Variants in DNAJB12 observed in about 807,000 individuals in gnomAD.
DNAJB12 encodes DnaJ heat shock protein family (Hsp40) member B12.
A neutral mutation model predicts 40.6 loss-of-function variants in DNAJB12; 14 were observed. That is an observed-to-expected ratio of 0.34 (90% CI 0.23 to 0.54). The LOEUF (loss-of-function observed/expected upper bound fraction) is 0.54, where lower values mean the gene tolerates loss of function less well. DNAJB12 is among the 20% of genes least tolerant of loss of function. The pLI is 0.92. For missense variants in DNAJB12, 444 were observed against 501.7 expected, an observed-to-expected ratio of 0.89 and a Z score of 1.10; for synonymous variants, 181 against 199.5, an observed-to-expected ratio of 0.91 and a Z score of 0.78.
intron 2 of DNAJB12, among the ~76,000 whole-genome samples, chr10:72,344,709 C>A (rs1238549161): frequency 6.6e-6 from 1 of 152,234 alleles, no homozygotes; most frequent in Non-Finnish European, 1.5e-5. Context: ...GCTTTTCCAG[C>A]CTCTGCTGTG....
chr10:72,338,392 A>C, intron 5 of DNAJB12, 81 bp from the exon 6 acceptor site: 1 of 1,166,458 alleles, frequency 8.6e-7, no homozygotes, highest in Non-Finnish European at 1.3e-6. Flanking sequence ...CTCCCCTAGA[A>C]TAGTGGAGCC....
intron 3 of DNAJB12, among the ~76,000 whole-genome samples, chr10:72,341,536 C>G (rs955534338): frequency 6.6e-6 from 1 of 152,196 alleles, no homozygotes; most frequent in African/African-American, 2.4e-5. Context: ...AGTGGAGCAA[C>G]CGTGGCTCAC....
chr10:72,354,874 A>C lies in DNAJB12; in HGVS notation c.24T>G (p.Ala8=). The stretch of plus-strand genomic sequence containing the variant: ...TGAGGGCGATGCTGATACAGCGCTC[A>C]GCTTCATCCTTGTTGGATTCCATGG... MESNKDE[A]ERCISIALKA... is the part of the protein sequence containing the mutation. The change falls in exon 1 of 9, where the codon GCT becomes GCG. Residue 8 remains alanine, a synonymous_variant. Transcript: ENST00000444643. 1 of 1,614,100 alleles carries C rather than the reference A, an allele frequency of 6.2e-7. No homozygotes were observed. Among genetic ancestry groups the C allele is most frequent in the Non-Finnish European group, 8.5e-7 (1 of 1,179,938 alleles).
chr10:72,343,553 G>T, intron 2 of DNAJB12, 42 bp from the exon 3 acceptor site: 1 of 1,609,160 alleles, frequency 6.2e-7, no homozygotes, highest in Non-Finnish European at 8.5e-7. Context: ...CTCTACATGG[G>T]TCTGTGTGAG....
At chr10:72,340,759 C>T (rs1481045396) in intron 5 of DNAJB12, 30 bp downstream of exon 5, 8 of 1,609,034 alleles carry the variant, frequency 5.0e-6, no homozygotes, top group East Asian at 2.2e-5. Flanking sequence ...GTGCCCTTCC[C>T]GCGCTGTCCC....
chr10:72,349,355 G>A (rs369513265), intron 1 of DNAJB12, among the ~76,000 whole-genome samples: 12 of 152,018 alleles, frequency 7.9e-5, no homozygotes, highest in Admixed American at 2.0e-4. Context: ...GCTGGGTAGC[G>A]GGGGAGCTCC....
rs10540624 is a variant in DNAJB12, at chr10:72,333,536, CACTG to C, written c.*1108_*1111del. On this transcript the variant is annotated 3_prime_UTR_variant, in exon 9 of 9. Transcript: ENST00000444643. The stretch of plus-strand genomic sequence containing the variant: ...GGAGGCTGCCCTGGGGTCCCGGCAC[CACTG>C]ACTGACTCGGAGGAAGAACTTTCTG... The C allele has an allele frequency of 0.071, 10,827 of 151,748 alleles. 777 individuals are homozygous for C. Among genetic ancestry groups the C allele is most frequent in the African/African-American group, 0.19 (7,760 of 40,570 alleles). 9.4% of individuals were successfully genotyped at this position (151,748 alleles called of 1,614,324 possible).
intron 1 of DNAJB12, among the ~76,000 whole-genome samples, chr10:72,345,744 T>C (rs2131996855): frequency 6.6e-6 from 1 of 151,456 alleles, no homozygotes; most frequent in African/African-American, 2.4e-5. Flanking sequence ...AAAAGACATT[T>C]AGCTGGAGAT....
chr10:72,347,207 T>C (rs55946250), intron 1 of DNAJB12, among the ~76,000 whole-genome samples: 15,168 of 151,794 alleles, frequency 0.1, 1,578 homozygotes, highest in African/African-American at 0.26. Context: ...GTGATCCGCC[T>C]GCCTTGGCCT....
chr10:72,335,533 C>T lies in DNAJB12; in HGVS notation c.*30+247G>A. 8.0e-7 allele frequency: 1 copy of T among 1,242,902 alleles called. No homozygotes were observed. The highest frequency in any genetic ancestry group is 1.0e-6 in the Non-Finnish European group (1 of 983,542). 77.0% of individuals were successfully genotyped at this position (1,242,902 alleles called of 1,614,324 possible). A position where few individuals can be genotyped will look rare whatever the true frequency, so the allele number is the denominator to read the frequency against. ...CACTCTGCCTGGTTCTGGGGTCCCC[C>T]ACACCCCTGGAGCCAGGGAGCAGAG... On this transcript the variant is annotated intron_variant, in intron 8 of 8. Transcript: ENST00000444643. This position sits in a 1 kb window ranked among gnomAD's most constrained non-coding sequence, Gnocchi z 4.4.
intron 1 of DNAJB12, among the ~76,000 whole-genome samples, chr10:72,349,391 C>T (rs1861878726): frequency 6.6e-6 from 1 of 152,004 alleles, no homozygotes; most frequent in Admixed American, 6.6e-5. Flanking sequence ...AAAGACTCAG[C>T]GCTCAGCAGA....
Position 72,345,097 on chromosome 10 carries a change from T to G in DNAJB12, c.164A>C (p.Gln55Pro). The change falls in exon 2 of 9, where the codon CAG becomes CCG. Residue 55 changes from glutamine to proline, a missense_variant. By Grantham distance (76) the Gln-to-Pro change is moderately conservative. Coordinates refer to ENST00000444643, the MANE Select transcript of DNAJB12 (RefSeq NM_017626.7). ...GGGTGGGGGTTGGTCACCGGCAGTC[T>G]GTGGTTTCTGGTTGAGGGACTCAAT... ...ALIESLNQKP[Q>P]TAGDQPPPTD... 1 of 1,613,520 alleles carries G rather than the reference T, an allele frequency of 6.2e-7. No individual in the cohort carries two copies. The highest frequency in any genetic ancestry group is 8.5e-7 in the Non-Finnish European group (1 of 1,179,630).
At chr10:72,343,570 G>A (rs1041963194) in intron 2 of DNAJB12, 59 bp from the exon 3 acceptor site, 21 of 1,584,380 alleles carry the variant, frequency 1.3e-5, no homozygotes, top group Middle Eastern at 3.4e-4. Context: ...TGAGGGGGGC[G>A]ATGAACAGGC....
Position 72,335,861 on chromosome 10 carries a change from G to A in DNAJB12, c.1077C>T (p.Gly359=). 2 of 1,614,188 alleles carry A rather than the reference G, an allele frequency of 1.2e-6. No homozygotes were observed. The highest frequency in any genetic ancestry group is 1.7e-6 in the Non-Finnish European group (2 of 1,180,022). ...CTGACAGTCGGCTGCAGCTGGGGGT[G>A]CCCATCTTCTGTGCTCTGTGGTACA... is the stretch of plus-strand genomic sequence containing the variant. ...TDMYHRAQKM[G]TPSCSRLSEV... The change falls in exon 8 of 9, where the codon GGC becomes GGT. Residue 359 remains glycine (G), a synonymous_variant. Coordinates refer to ENST00000444643, the MANE Select transcript of DNAJB12 (RefSeq NM_017626.7). This position sits in a 1 kb window ranked among gnomAD's most constrained non-coding sequence, Gnocchi z 4.4.
rs1382868867 is a variant in DNAJB12, at chr10:72,334,581, G to T, written c.*67C>A. ...ATATACAGTCCATCACCTTGGCTCA[G>T]TGCATGTCACCAAAAATTCTCCAGG... On this transcript the variant is annotated 3_prime_UTR_variant, in exon 9 of 9. Coordinates refer to ENST00000444643, the MANE Select transcript of DNAJB12 (RefSeq NM_017626.7). 1 of 1,533,866 alleles carries T rather than the reference G, an allele frequency of 6.5e-7. No individual in the cohort carries two copies. The highest frequency in any genetic ancestry group is 1.4e-5 in the African/African-American group (1 of 72,948).
chr10:72,334,832 G>A (rs2131975253), intron 8 of DNAJB12: 1 of 1,355,616 alleles, frequency 7.4e-7, no homozygotes, highest in South Asian at 1.9e-5. Flanking sequence ...CAGGCCGGGA[G>A]GACACAGGCA....
rs1256366616 is a variant in DNAJB12, at chr10:72,340,834, G to A, written c.678C>T (p.Arg226=). 6.2e-7 allele frequency: 1 copy of A among 1,614,208 alleles called. No homozygotes were observed. Among genetic ancestry groups the A allele is most frequent in the Non-Finnish European group, 8.5e-7 (1 of 1,180,030 alleles). The change falls in exon 5 of 9, where the codon CGC becomes CGT. Residue 226 remains arginine, a synonymous_variant. Coordinates refer to ENST00000444643, the MANE Select transcript of DNAJB12 (RefSeq NM_017626.7). ...NVHVYSNGRM[R]YTYQQRQDRR... ...GGTCCTGCCTTTGCTGGTAGGTATA[G>A]CGCATGCGGCCGTTGCTGTAGACGT...
chr10:72,337,965 G>A (rs1861525394), intron 6 of DNAJB12, among the ~76,000 whole-genome samples: 1 of 152,214 alleles, frequency 6.6e-6, no homozygotes, highest in Non-Finnish European at 1.5e-5. Flanking sequence ...GTGCACATGT[G>A]TGCATAGTTT....
intron 1 of DNAJB12, among the ~76,000 whole-genome samples, chr10:72,352,893 C>T (rs1345355623): frequency 6.6e-6 from 1 of 152,206 alleles, no homozygotes. Flanking sequence ...ATTACTCCCC[C>T]TGGGGAGGCA....
Sources: allele counts gnomAD v4.1 joint callset (sites outside exome capture counted in the v4.1 genomes callset), GRCh38; gene constraint gnomAD v4.1.1; non-coding constraint Gnocchi (gnomAD v3.1); transcripts MANE v1.5; gene names NCBI Gene and HGNC (gene_info 2026-07-23, HGNC 2026-07-21).